Variants in PWWP3A observed in about 807,000 individuals in gnomAD.
PWWP3A encodes PWWP domain containing 3A, DNA repair factor, also known as PWWP domain-containing DNA repair factor 3A.
A neutral mutation model predicts 79.0 loss-of-function variants in PWWP3A; 53 were observed. The ratio of observed to expected loss-of-function variants is 0.67; its 90% confidence interval spans 0.54 to 0.84. The LOEUF is 0.84. Ranked by LOEUF, PWWP3A falls within the 40% of genes least tolerant of loss-of-function variation. The pLI is 0.00. For synonymous variants in PWWP3A, 443 were observed against 394.4 expected (o/e 1.12, Z -1.46); for missense variants, 973 against 948.0 (o/e 1.03, Z -0.35).
intron 3 of PWWP3A, 176 bp downstream of exon 3, chr19:1,357,270 T>C (rs541017322): frequency 1.1e-5 from 6 of 551,132 alleles, no homozygotes; most frequent in East Asian, 6.1e-5. Flanking sequence ...TTTGATTTTA[T>C]GTCAGTTTGG....
chr19:1,365,047 G>A (rs11878677), intron 7 of PWWP3A, among the ~76,000 whole-genome samples: 19,714 of 152,260 alleles, frequency 0.13, 1,378 homozygotes, highest in Admixed American at 0.18. Flanking sequence ...GTGAACCCGA[G>A]AGGTAGAGGT....
At chr19:1,358,289 A>G (rs983194669) in intron 3 of PWWP3A, 105 bp from the exon 4 acceptor site, 9 of 1,096,564 alleles carry the variant, frequency 8.2e-6, no homozygotes, top group Non-Finnish European at 1.1e-5. Flanking sequence ...TGGAAGGTTG[A>G]GGAGGAAAAT....
intron 13 of PWWP3A, 63 bp from the exon 14 acceptor site, chr19:1,376,456 C>T (rs2082403975): frequency 1.3e-6 from 2 of 1,557,808 alleles, no homozygotes; most frequent in Non-Finnish European, 1.8e-6. Context: ...ACCCAGTCCT[C>T]TCTCTCATAT....
At chr19:1,365,262 A>G (rs529703402) in intron 7 of PWWP3A, among the ~76,000 whole-genome samples, 2 of 152,366 alleles carry the variant, frequency 1.3e-5, no homozygotes, top group East Asian at 3.9e-4. Context: ...ATCCTGTCCA[A>G]GTTCCCGGTG....
In PWWP3A at chr19:1,368,739, C is replaced by T. The variant is rs896533486; in HGVS notation, c.1423-526C>T. On this transcript the variant is annotated intron_variant, in intron 9 of 13. Transcript: ENST00000591337. This position sits in a 1 kb window ranked among gnomAD's most constrained non-coding sequence, Gnocchi z 4.7. ...TGCAGACGATAGCTCCCAACAAAAA[C>T]GGCTGTTAGAGCAGCTTATTTCCAG... Among the ~76,000 whole-genome samples, 48 of 152,258 alleles carry T rather than the reference C, an allele frequency of 3.2e-4. No individual in the cohort carries two copies. The highest frequency in any genetic ancestry group is 8.4e-4 in the African/African-American group (35 of 41,470).
chr19:1,359,025 G>A lies in PWWP3A; in HGVS notation c.214+561G>A, dbSNP rs577119943. 68 of 296,904 alleles carry A rather than the reference G, an allele frequency of 2.3e-4. 1 individual carries two copies. Among genetic ancestry groups the A allele is most frequent in the South Asian group, 2.0e-3 (66 of 32,226 alleles). The allele number at this position is 296,904 out of a possible 1,614,324, so 18.4% of individuals were successfully genotyped here. A position where few individuals can be genotyped will look rare whatever the true frequency, so the allele number is the denominator to read the frequency against. Reference sequence around the variant, plus strand: ...AGCTCTCGGCTTCCCATCCATCCGGGTGCGCTTTCTCCCAGGCCTTCAGTT... The same window carrying A: ...AGCTCTCGGCTTCCCATCCATCCGGATGCGCTTTCTCCCAGGCCTTCAGTT... On this transcript the variant is annotated intron_variant, in intron 4 of 13. Coordinates refer to ENST00000591337, the MANE Select transcript of PWWP3A (RefSeq NM_001369789.1).
chr19:1,359,199 T>G (rs191804723), intron 4 of PWWP3A: 154 of 155,196 alleles, frequency 9.9e-4, no homozygotes, highest in African/African-American at 3.5e-3. Context: ...CTGCCAGCCT[T>G]CCTTCTCAAA....
At position 1,375,497 on chromosome 19, in the gene PWWP3A, AAT is replaced by A. The variant is rs1347197342; in HGVS notation, c.2076-1021_2076-1020del. Reference sequence around the variant, plus strand: ...ATTTATATATTATATAAAATATATAAATTTTATATATAATATATAAAATCATA... The same window carrying A: ...ATTTATATATTATATAAAATATATAATTTATATATAATATATAAAATCATA... On this transcript the variant is annotated intron_variant, in intron 13 of 13. Coordinates refer to ENST00000591337, the MANE Select transcript of PWWP3A (RefSeq NM_001369789.1). 6.4e-5 allele frequency among the ~76,000 whole-genome samples: 3 copies of A among 46,574 alleles called. No individual in the cohort carries two copies. In the Admixed American group the frequency reaches 7.9e-4, roughly 12 times the overall value. 30.6% of individuals were successfully genotyped at this position (46,574 alleles called of 152,430 possible). A position where few individuals can be genotyped will look rare whatever the true frequency, so the allele number is the denominator to read the frequency against.
chr19:1,370,512 T>A (rs2144751289), intron 11 of PWWP3A, 130 bp from the exon 12 acceptor site: 2 of 819,788 alleles, frequency 2.4e-6, no homozygotes, highest in East Asian at 2.9e-5. Context: ...ACTCCCGTGC[T>A]AACACGGAGC....
intron 13 of PWWP3A, chr19:1,374,163 C>A (rs569381121): frequency 6.6e-6 from 1 of 152,332 alleles, no homozygotes; most frequent in African/African-American, 2.4e-5. Context: ...GCTCCACGCC[C>A]ATCTGTGGAA....
chr19:1,367,588 G>C (rs760811686), intron 9 of PWWP3A, among the ~76,000 whole-genome samples: 1 of 152,212 alleles, frequency 6.6e-6, no homozygotes, highest in Non-Finnish European at 1.5e-5. Flanking sequence ...CGGTGGCCTC[G>C]GTAGCCAGCC....
chr19:1,358,776 G>T, intron 4 of PWWP3A: 2 of 924,586 alleles, frequency 2.2e-6, no homozygotes, highest in Admixed American at 2.1e-5. Context: ...GCCATAAGGG[G>T]GGAGGTCCTC....
intron 11 of PWWP3A, among the ~76,000 whole-genome samples, chr19:1,370,127 G>A (rs979152672): frequency 6.6e-6 from 1 of 152,194 alleles, no homozygotes; most frequent in East Asian, 1.9e-4. Flanking sequence ...CCAGCTACTC[G>A]GGAGGCAGAG....
intron 8 of PWWP3A, 57 bp from the exon 9 acceptor site, chr19:1,367,103 T>C: frequency 7.0e-7 from 1 of 1,433,894 alleles, no homozygotes; most frequent in Non-Finnish European, 9.8e-7. Context: ...AGGGAAAGGT[T>C]TTTAGCTTAT....
In PWWP3A at chr19:1,357,166, C is replaced by G; in HGVS notation, c.143+72C>G. On this transcript the variant is annotated intron_variant, in intron 3 of 13. Coordinates refer to ENST00000591337, the MANE Select transcript of PWWP3A (RefSeq NM_001369789.1). ...CTGATACTTCAATCCCCTACTCCCC[C>G]AAAACAGTTGAAGCCCAGCCCACTC... 5.9e-6 allele frequency: 7 copies of G among 1,190,254 alleles called. No homozygotes were observed. In the South Asian group the frequency reaches 8.5e-5, roughly 14 times the overall value. 73.7% of individuals were successfully genotyped at this position (1,190,254 alleles called of 1,614,324 possible).
chr19:1,360,823 A>G lies in PWWP3A; in HGVS notation c.902A>G (p.Lys301Arg), dbSNP rs1230751940. 6.4e-7 allele frequency: 1 copy of G among 1,574,346 alleles called. No homozygotes were observed. Among genetic ancestry groups the G allele is most frequent in the Non-Finnish European group, 8.6e-7 (1 of 1,160,924 alleles). The stretch of plus-strand genomic sequence containing the variant: ...GAGCCTGGAGAATGCCCTGCGAAAA[A>G]GAGGCCGCGCCTGGATGGCAGCCAA... ...CSEPGECPAK[K>R]RPRLDGSQRP... is the part of the protein sequence containing the mutation. Residue 301 changes from lysine to arginine, a missense_variant, in exon 5 of 14, where the codon AAG becomes AGG. Lys to Arg is a conservative substitution (Grantham distance 26). Coordinates refer to ENST00000591337, the MANE Select transcript of PWWP3A (RefSeq NM_001369789.1). This position sits in a 1 kb window ranked among gnomAD's most constrained non-coding sequence, Gnocchi z 4.4.
rs776776656 is a variant in PWWP3A, at chr19:1,362,274, T to C, written c.1136T>C (p.Met379Thr). ...EKECQSSEESMGSNSMRSILE... is the reference protein window; with the variant it reads ...EKECQSSEESTGSNSMRSILE... ...GAGTGCCAGTCTTCCGAAGAGTCCATGGGGTCTAATTCCATGCGTTCTATC... is the reference window on the plus strand; with the variant it reads ...GAGTGCCAGTCTTCCGAAGAGTCCACGGGGTCTAATTCCATGCGTTCTATC... Residue 379 changes from methionine to threonine, a missense_variant, in exon 6 of 14, where the codon ATG (methionine) becomes ACG (threonine). Coordinates refer to ENST00000591337, the MANE Select transcript of PWWP3A (RefSeq NM_001369789.1). 3 of 1,613,944 alleles carry C rather than the reference T, an allele frequency of 1.9e-6. No homozygotes were observed. The highest frequency in any genetic ancestry group is 2.5e-6 in the Non-Finnish European group (3 of 1,179,942).
At chr19:1,364,432 C>A in intron 6 of PWWP3A, 77 bp from the exon 7 acceptor site, 2 of 1,041,626 alleles carry the variant, frequency 1.9e-6, no homozygotes, top group Non-Finnish European at 2.9e-6. Flanking sequence ...TTTTCTCAGG[C>A]TGTTACACCT....
At chr19:1,365,498 C>T (rs2082109385) in intron 7 of PWWP3A, among the ~76,000 whole-genome samples, 2 of 152,288 alleles carry the variant, frequency 1.3e-5, no homozygotes, top group East Asian at 1.9e-4. Context: ...GTCACCCAGG[C>T]TCCTTGCATG....
Sources: allele counts gnomAD v4.1 joint callset (sites outside exome capture counted in the v4.1 genomes callset), GRCh38; gene constraint gnomAD v4.1.1; non-coding constraint Gnocchi (gnomAD v3.1); transcripts MANE v1.5; gene names NCBI Gene and HGNC (gene_info 2026-07-23, HGNC 2026-07-21).